The following NUP205 variants were observed in gnomAD, a reference collection of about 807,000 sequenced individuals.
NUP205 encodes the protein nuclear pore complex protein Nup205.
A neutral mutation model predicts 253.8 loss-of-function variants in NUP205; 76 were observed. The observed-to-expected ratio is 0.30, with a 90% CI of 0.25 to 0.36. NUP205 has a LOEUF of 0.36. Ranked by LOEUF, NUP205 falls within the 10% of genes least tolerant of loss-of-function variation. The pLI, the probability that NUP205 is intolerant of heterozygous loss-of-function variation, is 1.00. For synonymous variants in NUP205, 832 were observed against 850.1 expected (o/e 0.98, Z 0.37); for missense variants, 2,162 against 2,425.5 (o/e 0.89, Z 2.28).
chr7:135,570,674 T>C (rs1302566372), intron 1 of NUP205, among the ~76,000 whole-genome samples: 5 of 117,084 alleles, frequency 4.3e-5, no homozygotes, highest in African/African-American at 1.7e-4. Context: ...ATATAATTAA[T>C]ATATATTAAT....
chr7:135,619,342 C>CAA (rs879113929), intron 28 of NUP205, 81 bp from the exon 29 acceptor site: 137 of 1,108,522 alleles, frequency 1.2e-4, no homozygotes, highest in Non-Finnish European at 1.5e-4. Context: ...ACCCTGTCTT[C>CAA]AAAAAAAAAA....
chr7:135,567,768 T>C (rs1805825881), intron 1 of NUP205, among the ~76,000 whole-genome samples: 1 of 152,230 alleles, frequency 6.6e-6, no homozygotes, highest in Non-Finnish European at 1.5e-5. Context: ...GTTTACAGTC[T>C]TTAATGTTTA....
At chr7:135,606,486 G>A (rs367638511) in intron 20 of NUP205, among the ~76,000 whole-genome samples, 5 of 152,224 alleles carry the variant, frequency 3.3e-5, no homozygotes, top group East Asian at 3.9e-4. Context: ...ACATCAACCT[G>A]TATAATGCAA....
In NUP205 at chr7:135,592,981, T is replaced by G; in HGVS notation, c.1625-6T>G. The G allele has an allele frequency of 6.3e-7, 1 of 1,598,792 alleles. No homozygotes were observed. The highest frequency in any genetic ancestry group is 8.6e-7 in the Non-Finnish European group (1 of 1,166,590). ...AAATAAAATTCTGTGCTGTTTTTCT[T>G]TATAGTTGAAAATATTCAGGGAGCA... On this transcript the variant is annotated splice_polypyrimidine_tract_variant and splice_region_variant and intron_variant, in intron 11 of 42. Coordinates refer to ENST00000285968, the MANE Select transcript of NUP205 (RefSeq NM_015135.3).
chr7:135,597,839 A>T (rs1793877855), intron 14 of NUP205, 159 bp from the exon 15 acceptor site: 4 of 634,912 alleles, frequency 6.3e-6, no homozygotes, highest in African/African-American at 5.5e-5. Context: ...CTGGATTCAT[A>T]TAATACTTTT....
intron 30 of NUP205, among the ~76,000 whole-genome samples, chr7:135,622,384 C>T (rs1386526583): frequency 6.7e-6 from 1 of 149,170 alleles, no homozygotes; most frequent in Non-Finnish European, 1.5e-5. Context: ...GATCATGCCA[C>T]TGCACTCCAG....
At chr7:135,607,052 T>C in intron 21 of NUP205, 137 bp downstream of exon 21, 1 of 1,110,346 alleles carries the variant, frequency 9.0e-7, no homozygotes, top group Non-Finnish European at 1.3e-6. Context: ...ATGGGTCAGT[T>C]CTTTAGGGCT....
At position 135,606,773 on chromosome 7, in the gene NUP205, A is replaced by T. The variant is rs1338326514; in HGVS notation, c.2928A>T (p.Leu976Phe). ...AAGGATCAGAACTTGAAAAGAAATTAGTTGCAATTCGTCATGAAACAAGAA... is the reference window on the plus strand; with the variant it reads ...AAGGATCAGAACTTGAAAAGAAATTTGTTGCAATTCGTCATGAAACAAGAA... ...LEEGSELEKK[L>F]VAIRHETRIH... Residue 976 changes from leucine (L) to phenylalanine (F), a missense_variant, in exon 21 of 43, where the codon TTA (leucine) becomes TTT (phenylalanine). By Grantham distance (22) the Leu-to-Phe change is conservative (BLOSUM62 0). Coordinates refer to ENST00000285968, the MANE Select transcript of NUP205 (RefSeq NM_015135.3). The T allele has an allele frequency of 6.2e-7, 1 of 1,613,700 alleles. No individual in the cohort carries two copies. The highest frequency in any genetic ancestry group is 8.5e-7 in the Non-Finnish European group (1 of 1,179,686).
chr7:135,625,171 C>G lies in NUP205; in HGVS notation c.4487C>G (p.Ala1496Gly). The G allele has an allele frequency of 6.2e-7, 1 of 1,611,572 alleles. No homozygotes were observed. The highest frequency in any genetic ancestry group is 1.1e-5 in the South Asian group (1 of 90,460). ...CDGHEIGRML[A>G]LALLDRIVSV... ...AATTTATTCTTCCTTCAGATGCTGG[C>G]CCTGGCTCTACTTGATAGAATTGTC... Residue 1496 changes from alanine to glycine, a missense_variant, in exon 32 of 43, where the codon GCC becomes GGC. Physicochemically the swap from Ala to Gly is moderately conservative, Grantham distance 60. Coordinates refer to ENST00000285968, the MANE Select transcript of NUP205 (RefSeq NM_015135.3).
Position 135,559,593 on chromosome 7 carries a change from A to G in NUP205, c.28+1621A>G, listed in dbSNP as rs191050346. ...TCCATGTTGGCTAGGCTGATCTCGA[A>G]CTGCTGTCCTCAAGCGATCTTTCTG... On this transcript the variant is annotated intron_variant, in intron 1 of 42. Transcript: ENST00000285968. Among the ~76,000 whole-genome samples, 345 of 151,772 alleles carry G rather than the reference A, an allele frequency of 2.3e-3. 1 individual carries two copies. Among genetic ancestry groups the G allele is most frequent in the Middle Eastern group, 6.8e-3 (2 of 292 alleles).
chr7:135,571,890 AGGGT>A (rs947673248), intron 2 of NUP205, among the ~76,000 whole-genome samples: 24 of 152,322 alleles, frequency 1.6e-4, no homozygotes, highest in Middle Eastern at 3.4e-3. Flanking sequence ...TTTTAAAGAC[AGGGT>A]GTTGCTCTGT....
In NUP205 at chr7:135,593,178, A is replaced by G. The variant is rs1225874682; in HGVS notation, c.1816A>G (p.Thr606Ala). The change falls in exon 12 of 43, where the codon ACC becomes GCC. Residue 606 changes from threonine to alanine, a missense_variant. Physicochemically the swap from Thr to Ala is moderately conservative, Grantham distance 58. Around this residue, in one of 5 missense-constraint regions of NUP205, gnomAD observed 892 missense variants for 957.1 expected, o/e 0.93. Coordinates refer to ENST00000285968, the MANE Select transcript of NUP205 (RefSeq NM_015135.3). Reference sequence around the variant, plus strand: ...GATTGCTTTTTTGCAGCTCACGTCTACCATCATTACTTGGGTAGGTAACTC... The same window carrying G: ...GATTGCTTTTTTGCAGCTCACGTCTGCCATCATTACTTGGGTAGGTAACTC... ...GLIAFLQLTS[T>A]IITWSENARL... 5 of 1,614,066 alleles carry G rather than the reference A, an allele frequency of 3.1e-6. No homozygotes were observed. Among genetic ancestry groups the G allele is most frequent in the Non-Finnish European group, 3.4e-6 (4 of 1,179,936 alleles).
intron 36 of NUP205, among the ~76,000 whole-genome samples, chr7:135,636,861 C>T (rs1006730318): frequency 1.3e-5 from 2 of 151,916 alleles, no homozygotes; most frequent in Admixed American, 1.3e-4. Flanking sequence ...CAAAAATTAG[C>T]CATGTGTGGT....
At chr7:135,564,778 T>C (rs1303561909) in intron 1 of NUP205, among the ~76,000 whole-genome samples, 1 of 151,878 alleles carries the variant, frequency 6.6e-6, no homozygotes, top group Admixed American at 6.6e-5. Context: ...TTTGTTTGTT[T>C]GTTTTTTGAG....
intron 22 of NUP205, among the ~76,000 whole-genome samples, 167 bp downstream of exon 22, chr7:135,607,538 A>G (rs1396183484): frequency 6.6e-6 from 1 of 152,206 alleles, no homozygotes; most frequent in Non-Finnish European, 1.5e-5. Context: ...CACAAACCCC[A>G]AGTTCTTATA....
chr7:135,581,883 C>T (rs557563409), intron 7 of NUP205, among the ~76,000 whole-genome samples: 7 of 151,864 alleles, frequency 4.6e-5, no homozygotes, highest in Admixed American at 2.0e-4. Flanking sequence ...AAAAACCAAG[C>T]ATTTTTGTAA....
chr7:135,597,309 C>G, intron 13 of NUP205, 59 bp from the exon 14 acceptor site: 1 of 1,231,368 alleles, frequency 8.1e-7, no homozygotes, highest in Non-Finnish European at 1.2e-6. Flanking sequence ...ATTGCAAAGC[C>G]ACTAATATTC....
At chr7:135,570,554 T>A (rs1342646981) in intron 1 of NUP205, among the ~76,000 whole-genome samples, 2 of 150,180 alleles carry the variant, frequency 1.3e-5, no homozygotes, top group African/African-American at 4.9e-5. Context: ...GATAAAGTGA[T>A]GTGTTTATAT....
chr7:135,576,191 C>A, intron 3 of NUP205, 79 bp from the exon 4 acceptor site: 1 of 1,258,230 alleles, frequency 7.9e-7, no homozygotes, highest in Non-Finnish European at 1.1e-6. Context: ...TTGAACTGAA[C>A]ATTGTTATAT....
Sources: gnomAD v4.1 joint callset for allele counts (sites outside exome capture counted in the v4.1 genomes callset) on GRCh38, gnomAD v4.1.1 for gene constraint, gnomAD v4.1.1 regional missense constraint, MANE v1.5 for transcripts, NCBI Gene and HGNC (gene_info 2026-07-23, HGNC 2026-07-21) for gene names.